ZNG1F: variants seen among roughly 807,000 people sequenced by gnomAD.
ZNG1F encodes Zn regulated GTPase metalloprotein activator 1F, also known as zinc-regulated GTPase metalloprotein activator 1F.
At chr9:41,139,411 C>CT in the ZNG1F span, among the ~76,000 whole-genome samples, 4 of 141,828 alleles carry the variant, frequency 2.8e-5, no homozygotes, top group Non-Finnish European at 6.2e-5. Flanking sequence ...TTTGAGGGTT[C>CT]TTAGCTTTGC....
the ZNG1F span, among the ~76,000 whole-genome samples, chr9:41,141,094 G>A: frequency 6.6e-6 from 1 of 150,626 alleles, no homozygotes; most frequent in Non-Finnish European, 1.5e-5. Context: ...TTTTTAAGGG[G>A]TACAATAAAC....
the ZNG1F span, among the ~76,000 whole-genome samples, chr9:41,140,894 T>A: frequency 6.6e-6 from 1 of 150,472 alleles, no homozygotes; most frequent in East Asian, 2.0e-4. Context: ...CCTGGCTAAT[T>A]TTTTGTATTT....
At chr9:41,178,653 G>A in the ZNG1F span, among the ~76,000 whole-genome samples, 1 of 23,592 alleles carries the variant, frequency 4.2e-5, no homozygotes, top group Non-Finnish European at 9.4e-5. Context: ...TGCCACCTCC[G>A]CCTCCCGGGT....
the ZNG1F span, chr9:41,145,808 T>C: frequency 4.3e-5 from 4 of 93,258 alleles, no homozygotes; most frequent in Non-Finnish European, 9.2e-5. Context: ...AAAAAAGAAA[T>C]AGTATCCATA....
the ZNG1F span, among the ~76,000 whole-genome samples, chr9:41,200,773 C>T: frequency 1.3e-5 from 2 of 152,208 alleles, no homozygotes; most frequent in Admixed American, 6.6e-5. Flanking sequence ...GCACATCTCA[C>T]ATGGAACCAG....
chr9:41,138,900 T>G, the ZNG1F span, among the ~76,000 whole-genome samples: 1 of 118,472 alleles, frequency 8.4e-6, no homozygotes, highest in Non-Finnish European at 1.8e-5. Context: ...TTTTTATATA[T>G]ATATCCTTAC....
the ZNG1F span, chr9:41,157,454 T>C: frequency 7.5e-6 from 1 of 132,664 alleles, no homozygotes; most frequent in Non-Finnish European, 1.6e-5. Flanking sequence ...AGAGTGAGAC[T>C]CCGCCTCAAA....
At chr9:41,152,424 T>A in the ZNG1F span, among the ~76,000 whole-genome samples, 1 of 147,966 alleles carries the variant, frequency 6.8e-6, no homozygotes, top group Non-Finnish European at 1.5e-5. Context: ...CACCCCACTG[T>A]CAACATTAGA....
the ZNG1F span, among the ~76,000 whole-genome samples, chr9:41,204,904 T>A: frequency 6.7e-5 from 10 of 149,780 alleles, no homozygotes; most frequent in Non-Finnish European, 5.9e-5. Flanking sequence ...ATTTTTAATG[T>A]TTTTATTGTA....
the ZNG1F span, among the ~76,000 whole-genome samples, chr9:41,139,666 A>G: frequency 6.6e-6 from 1 of 151,834 alleles, no homozygotes; most frequent in Non-Finnish European, 1.5e-5. Flanking sequence ...CAAATGTGAG[A>G]CTTTTAAAAG....
the ZNG1F span, chr9:41,174,470 G>A: frequency 6.0e-6 from 7 of 1,175,586 alleles, no homozygotes; most frequent in East Asian, 1.0e-4. Context: ...ATCTTCTTAT[G>A]GAAATTATAG....
the ZNG1F span, among the ~76,000 whole-genome samples, chr9:41,184,030 T>G: frequency 7.3e-5 from 11 of 150,858 alleles, no homozygotes; most frequent in Non-Finnish European, 1.6e-4. Flanking sequence ...TGTATGCCCT[T>G]CAACCTCTTA....
chr9:41,138,032 C>T, the ZNG1F span, among the ~76,000 whole-genome samples: 1 of 78,696 alleles, frequency 1.3e-5, no homozygotes, highest in Non-Finnish European at 3.3e-5. Context: ...TGCCTGTATA[C>T]CTTGTTTTTT....
the ZNG1F span, chr9:41,145,914 T>C: frequency 1.2e-4 from 14 of 119,146 alleles, no homozygotes; most frequent in Admixed American, 1.1e-3. Flanking sequence ...CACAAGAAGA[T>C]CAACATGGCA....
At chr9:41,184,124 T>C in the ZNG1F span, among the ~76,000 whole-genome samples, 2 of 151,242 alleles carry the variant, frequency 1.3e-5, no homozygotes, top group Non-Finnish European at 3.0e-5. Context: ...TCCCAATGAG[T>C]AAAAACCCTA....
chr9:41,138,922 C>T, the ZNG1F span, among the ~76,000 whole-genome samples: 4 of 135,814 alleles, frequency 2.9e-5, no homozygotes, highest in Non-Finnish European at 4.7e-5. Context: ...TTGGGCTTCA[C>T]CTTTCTCTGG....
At chr9:41,132,030 T>C in the ZNG1F span, 2 of 1,284,090 alleles carry the variant, frequency 1.6e-6, no homozygotes, top group Non-Finnish European at 2.1e-6. Flanking sequence ...GATTAACCAC[T>C]TTTCTAAAAT....
chr9:41,154,539 A>G, the ZNG1F span, among the ~76,000 whole-genome samples: 1 of 139,120 alleles, frequency 7.2e-6, no homozygotes, highest in Non-Finnish European at 1.6e-5. Flanking sequence ...AAGAGCCCGC[A>G]TCGCCAAGTC....
chr9:41,204,548 G>T, the ZNG1F span, among the ~76,000 whole-genome samples: 1 of 28,186 alleles, frequency 3.5e-5, no homozygotes, highest in Non-Finnish European at 1.1e-4. Context: ...AATTGATGTT[G>T]CCAAGGCCCC....
Sources: gnomAD v4.1 joint callset for allele counts (sites outside exome capture counted in the v4.1 genomes callset) on GRCh38, gnomAD v4.1.1 for gene constraint, MANE v1.5 for transcripts, NCBI Gene and HGNC (gene_info 2026-07-23, HGNC 2026-07-21) for gene names.